Variants in CPNE5 observed in about 807,000 individuals in gnomAD.
CPNE5 encodes the protein copine-5.
In CPNE5, 42 loss-of-function variants were observed where a neutral mutation model predicts 81.1. That is an observed-to-expected ratio of 0.52 (90% CI 0.40 to 0.67). CPNE5 has a LOEUF of 0.67. CPNE5 is among the 30% of genes least tolerant of loss of function. CPNE5 has a pLI of 0.00. For missense variants in CPNE5, 612 were observed against 815.5 expected (o/e 0.75, Z 3.04); for synonymous variants, 313 against 321.5 (o/e 0.97, Z 0.28).
At chr6:36,792,635 G>A (rs1769203448) in intron 7 of CPNE5, among the ~76,000 whole-genome samples, 1 of 152,114 alleles carries the variant, frequency 6.6e-6, no homozygotes, top group Admixed American at 6.5e-5. Flanking sequence ...AAATGCCTTG[G>A]CTGGGGTCTC....
chr6:36,819,925 C>T (rs1212079865), intron 3 of CPNE5, among the ~76,000 whole-genome samples: 2 of 152,210 alleles, frequency 1.3e-5, no homozygotes, highest in Admixed American at 1.3e-4. Flanking sequence ...CTTCTGATCA[C>T]CTGGAGCAAG....
chr6:36,752,961 A>G (rs2150381859), intron 14 of CPNE5, 73 bp downstream of exon 14: 1 of 1,286,144 alleles, frequency 7.8e-7, no homozygotes, highest in Admixed American at 1.7e-5. Flanking sequence ...GTGGGGCCAG[A>G]GCCGGTCCTG....
At position 36,765,419 on chromosome 6, in the gene CPNE5, C is replaced by G. The variant is rs748810906; in HGVS notation, c.738-43G>C. 8 of 1,612,266 alleles carry G rather than the reference C, an allele frequency of 5.0e-6. No individual in the cohort carries two copies. The Admixed American group carries it at 1.2e-4, about 24-fold the overall frequency. ...TTGCTGGGATGGGCCCAACCCCACA[C>G]CCACGTGGCTGAGGATGGGGCCCTC... is the stretch of plus-strand genomic sequence containing the variant. On this transcript the variant is annotated intron_variant, in intron 10 of 20. Coordinates refer to ENST00000244751, the MANE Select transcript of CPNE5 (RefSeq NM_020939.2).
rs1466412521 is a variant in CPNE5, at chr6:36,774,994, G to T, written c.704C>A (p.Pro235His). The T allele has an allele frequency of 1.2e-6, 2 of 1,614,054 alleles. No homozygotes were observed. The highest frequency in any genetic ancestry group is 3.3e-5 in the Admixed American group (2 of 60,014). The change falls in exon 10 of 21, where the codon CCC (proline) becomes CAC (histidine). Residue 235 changes from proline to histidine, a missense_variant. By Grantham distance (77) the Pro-to-His change is moderately conservative (BLOSUM62 -2). Transcript: ENST00000244751. ...GTCGCCGTTGCAGAGGGCTCTCACG[G>T]GAATGGAGAAAGTTTGCCAGACTGG... ...LNPVWQTFSI[P>H]VRALCNGDYD...
rs1405095942 is a variant in CPNE5, at chr6:36,792,928, T to C, written c.465-832A>G. On this transcript the variant is annotated intron_variant, in intron 7 of 20. Transcript: ENST00000244751. Reference sequence around the variant, plus strand: ...GGAGGGAGAGGAAAATGTCGGCTTGTCCAGCAGCTCTGTGACTTTGGGCTC... The same window carrying C: ...GGAGGGAGAGGAAAATGTCGGCTTGCCCAGCAGCTCTGTGACTTTGGGCTC... 3.3e-5 allele frequency among the ~76,000 whole-genome samples: 5 copies of C among 152,238 alleles called. No homozygotes were observed. The East Asian group carries it at 7.7e-4, about 24-fold the overall frequency.
intron 10 of CPNE5, among the ~76,000 whole-genome samples, chr6:36,772,566 C>A (rs970353324): frequency 1.3e-5 from 2 of 152,204 alleles, no homozygotes; most frequent in Admixed American, 1.3e-4. Flanking sequence ...GATGGGAAGG[C>A]GACCCTGTTC....
intron 3 of CPNE5, among the ~76,000 whole-genome samples, chr6:36,811,721 C>T (rs771294649): frequency 1.2e-4 from 18 of 152,120 alleles, no homozygotes; most frequent in Non-Finnish European, 2.5e-4. Context: ...TAATGAACAC[C>T]TCTGCTTGAA....
At chr6:36,781,211 G>A (rs898859364) in intron 8 of CPNE5, among the ~76,000 whole-genome samples, 5 of 151,980 alleles carry the variant, frequency 3.3e-5, no homozygotes, top group African/African-American at 9.7e-5. Context: ...TCTCATCATC[G>A]CCCACCAGAC....
chr6:36,778,494 T>C (rs888205287), intron 9 of CPNE5, among the ~76,000 whole-genome samples: 13 of 152,094 alleles, frequency 8.5e-5, no homozygotes, highest in Non-Finnish European at 1.6e-4. Context: ...CTGATTTGTG[T>C]AGAATGAAGG....
At chr6:36,815,218 G>A (rs932318569) in intron 3 of CPNE5, among the ~76,000 whole-genome samples, 1 of 151,788 alleles carries the variant, frequency 6.6e-6, no homozygotes, top group African/African-American at 2.4e-5. Context: ...GCTGTCATGT[G>A]TTTGCCATTA....
intron 3 of CPNE5, among the ~76,000 whole-genome samples, chr6:36,802,934 T>C (rs1037061020): frequency 2.0e-5 from 3 of 152,126 alleles, no homozygotes; most frequent in Admixed American, 2.0e-4. Flanking sequence ...GGCGCACGCC[T>C]ATAGTCCCAG....
intron 12 of CPNE5, among the ~76,000 whole-genome samples, chr6:36,759,382 AG>A (rs988566092): frequency 2.1e-4 from 31 of 149,246 alleles, no homozygotes; most frequent in Non-Finnish European, 4.3e-4. Flanking sequence ...CCCTCCACTA[AG>A]TCACCTCCCT....
intron 12 of CPNE5, among the ~76,000 whole-genome samples, chr6:36,760,815 C>T (rs1765952237): frequency 6.6e-6 from 1 of 152,168 alleles, no homozygotes; most frequent in African/African-American, 2.4e-5. Flanking sequence ...TAGGGCAATG[C>T]CAGGGCCCGA....
intron 8 of CPNE5, among the ~76,000 whole-genome samples, chr6:36,783,303 G>A (rs981509792): frequency 7.0e-6 from 1 of 142,242 alleles, no homozygotes. Context: ...GAAATAATCT[G>A]CACAACAAAC....
intron 1 of CPNE5, among the ~76,000 whole-genome samples, chr6:36,834,302 AG>A (rs1221003615): frequency 0.18 from 13,889 of 75,502 alleles, 1,320 homozygotes; most frequent in South Asian, 0.27. Flanking sequence ...GGAGGGAGGG[AG>A]GGAGGGAGGA....
At chr6:36,778,020 C>T (rs935409857) in intron 9 of CPNE5, among the ~76,000 whole-genome samples, 5 of 152,200 alleles carry the variant, frequency 3.3e-5, no homozygotes, top group Non-Finnish European at 5.9e-5. Flanking sequence ...ATCGCTTCCT[C>T]ATTCTGCAGA....
At chr6:36,753,962 T>C (rs7772191) in intron 13 of CPNE5, among the ~76,000 whole-genome samples, 115,883 of 152,106 alleles carry the variant, frequency 0.76, 44,396 homozygotes, top group Non-Finnish European at 0.8. Flanking sequence ...TACAGGCTCA[T>C]TGGGAGGGCC....
chr6:36,810,236 A>G (rs1474915228), intron 3 of CPNE5, among the ~76,000 whole-genome samples: 1 of 152,124 alleles, frequency 6.6e-6, no homozygotes, highest in Non-Finnish European at 1.5e-5. Context: ...CTTCGGAGCC[A>G]TCCCCCAGCT....
At chr6:36,832,855 A>G (rs1272258767) in intron 1 of CPNE5, among the ~76,000 whole-genome samples, 1 of 152,054 alleles carries the variant, frequency 6.6e-6, no homozygotes, top group Non-Finnish European at 1.5e-5. Flanking sequence ...TATCGCCTTG[A>G]GTCTAAACAG....
Sources: gnomAD v4.1 joint callset for allele counts (sites outside exome capture counted in the v4.1 genomes callset) on GRCh38, gnomAD v4.1.1 for gene constraint, MANE v1.5 for transcripts, NCBI Gene and HGNC (gene_info 2026-07-23, HGNC 2026-07-21) for gene names.